MYO18A: variants seen among roughly 807,000 people sequenced by gnomAD.
MYO18A encodes unconventional myosin-XVIIIa.
MYO18A carries 78 observed loss-of-function variants against 235.8 expected under a neutral mutation model. That is an observed-to-expected ratio of 0.33 (90% CI 0.28 to 0.40). The LOEUF (loss-of-function observed/expected upper bound fraction) is 0.40, where lower values mean the gene tolerates loss of function less well. Among genes scored for constraint, MYO18A ranks in the 10% least tolerant of loss-of-function variants. MYO18A has a pLI of 1.00. For missense variants in MYO18A, 2,215 were observed against 2,699.3 expected (o/e 0.82, Z 3.98); for synonymous variants, 977 against 1,077.8 (o/e 0.91, Z 1.83).
chr17:29,109,961 C>T lies in MYO18A; in HGVS notation c.3228G>A (p.Ser1076=), dbSNP rs779130672. The change falls in exon 19 of 42, where the codon TCG becomes TCA. Residue 1076 remains serine, a synonymous_variant. Transcript: ENST00000527372. The surrounding 1 kb of genome is among the most constrained non-coding windows in gnomAD (Gnocchi z 4.1). The stretch of plus-strand genomic sequence containing the variant: ...GGAGCCCAGCCTCGCAGTGGTCTCC[C>T]GAGGGCAGGTCCAGCTCACTGCTGC... ...VSSSSELDLP[S]GDHCEAGLLQ... is the part of the protein sequence containing the mutation. 1.3e-5 allele frequency: 21 copies of T among 1,609,834 alleles called. No individual in the cohort carries two copies. Among genetic ancestry groups the T allele is most frequent in the Middle Eastern group, 1.7e-4 (1 of 5,920 alleles).
Position 29,106,419 on chromosome 17 carries a change from T to C in MYO18A, c.3441+661A>G, listed in dbSNP as rs571513707. Among the ~76,000 whole-genome samples the C allele has an allele frequency of 6.6e-6, 1 of 152,278 alleles. No individual in the cohort carries two copies. The highest frequency in any genetic ancestry group is 6.5e-5 in the Admixed American group (1 of 15,296). On this transcript the variant is annotated intron_variant, in intron 20 of 41. Transcript: ENST00000527372. The surrounding 1 kb of genome is among the most constrained non-coding windows in gnomAD (Gnocchi z 4.6). ...GCACTCTGTGGGCTTTCTGCCCCAT[T>C]CTGCAGCATCCTCTCCATTTAGGGA...
chr17:29,086,316 TG>T, intron 39 of MYO18A, 121 bp downstream of exon 39: 1 of 1,104,446 alleles, frequency 9.1e-7, no homozygotes, highest in Non-Finnish European at 1.3e-6. Flanking sequence ...AAAGGGAGGG[TG>T]GGTTGGCGGC....
intron 2 of MYO18A, among the ~76,000 whole-genome samples, chr17:29,134,339 T>C (rs1307800790): frequency 1.3e-5 from 2 of 152,112 alleles, no homozygotes; most frequent in African/African-American, 2.4e-5. Flanking sequence ...CGCCTTGGCG[T>C]CCTAAAGTGC....
chr17:29,175,066 T>C lies in MYO18A; in HGVS notation c.-82+5247A>G, dbSNP rs371687844. 1.5e-4 allele frequency among the ~76,000 whole-genome samples: 23 copies of C among 152,314 alleles called. No homozygotes were observed. In the East Asian group the frequency reaches 1.9e-3, roughly 13 times the overall value. On this transcript the variant is annotated intron_variant, in intron 1 of 41. Transcript: ENST00000527372. ...AAAATATATGCTCTGGGGAGGAGAC[T>C]GGAATTTTAGAAGGGTCAAATAGAC...
At chr17:29,134,114 T>G (rs561526259) in intron 2 of MYO18A, among the ~76,000 whole-genome samples, 1 of 152,368 alleles carries the variant, frequency 6.6e-6, no homozygotes, top group Admixed American at 6.5e-5. Flanking sequence ...TTTATTTTTA[T>G]TTTTTGAGAT....
intron 2 of MYO18A, among the ~76,000 whole-genome samples, chr17:29,161,467 C>T (rs1160363269): frequency 6.6e-6 from 1 of 151,464 alleles, no homozygotes; most frequent in South Asian, 2.1e-4. Flanking sequence ...CCAAGATCGC[C>T]CCACTGCACT....
chr17:29,127,931 G>T (rs1056043239), intron 2 of MYO18A: 16 of 999,658 alleles, frequency 1.6e-5, no homozygotes, highest in African/African-American at 1.6e-4. Context: ...GGAGCCTGGG[G>T]TCACCAGCTC....
intron 1 of MYO18A, among the ~76,000 whole-genome samples, chr17:29,175,459 C>T (rs907160823): frequency 2.0e-5 from 3 of 150,076 alleles, no homozygotes; most frequent in African/African-American, 7.4e-5. Context: ...CCTCCTGGGA[C>T]TCAAGCGATC....
chr17:29,124,728 G>A (rs778812826), intron 2 of MYO18A: 4 of 1,265,230 alleles, frequency 3.2e-6, no homozygotes, highest in South Asian at 2.6e-5. Context: ...GAAGAAGGGT[G>A]AAGATAAGCA....
chr17:29,113,649 G>A (rs533655094), intron 15 of MYO18A, among the ~76,000 whole-genome samples: 39 of 152,284 alleles, frequency 2.6e-4, no homozygotes, highest in East Asian at 1.4e-3. Context: ...TCACCAGCTG[G>A]GACTGGTCAC....
rs748776252 is a variant in MYO18A, at chr17:29,121,741, C to A, written c.1195-18G>T. ...GCATTAGCCTGTGTGGGAGGACAGGCGGGTGGGTATTAGAGCAGCAGAGCC... is the reference window on the plus strand; with the variant it reads ...GCATTAGCCTGTGTGGGAGGACAGGAGGGTGGGTATTAGAGCAGCAGAGCC... On this transcript the variant is annotated intron_variant, in intron 4 of 41. Transcript: ENST00000527372. The surrounding 1 kb of genome is among the most constrained non-coding windows in gnomAD (Gnocchi z 4.2). 19 of 1,573,006 alleles carry A rather than the reference C, an allele frequency of 1.2e-5. No individual in the cohort carries two copies. Among genetic ancestry groups the A allele is most frequent in the Non-Finnish European group, 1.4e-5 (16 of 1,157,478 alleles).
At chr17:29,115,504 C>G in intron 12 of MYO18A, 63 bp from the exon 13 acceptor site, 2 of 1,563,956 alleles carry the variant, frequency 1.3e-6, no homozygotes, top group Non-Finnish European at 1.7e-6. Flanking sequence ...GGGTAAGCCC[C>G]TGACCTGCCC....
chr17:29,096,831 G>A lies in MYO18A; in HGVS notation c.4315C>T (p.Leu1439=). 1 of 1,599,392 alleles carries A rather than the reference G, an allele frequency of 6.3e-7. No homozygotes were observed. The highest frequency in any genetic ancestry group is 1.7e-5 in the Admixed American group (1 of 58,054). The change falls in exon 28 of 42, where the codon CTG becomes TTG. Residue 1439 remains leucine, a synonymous_variant. Coordinates refer to ENST00000527372, the MANE Select transcript of MYO18A (RefSeq NM_078471.4). ...TCCAGGTGCAGCTTGGTGTCTTGCA[G>A]CTCAGCCGTCAGTCGCTGGCACTTC... The part of the protein sequence containing the change: ...KKKCQRLTAE[L]QDTKLHLEGQ...
In MYO18A at chr17:29,073,873, C is replaced by G. The variant is rs758127581; in HGVS notation, c.*897G>C. 3.8e-6 allele frequency: 6 copies of G among 1,594,704 alleles called. No homozygotes were observed. In the Admixed American group the frequency reaches 8.4e-5, roughly 22 times the overall value. On this transcript the variant is annotated 3_prime_UTR_variant, in exon 42 of 42. Coordinates refer to ENST00000527372, the MANE Select transcript of MYO18A (RefSeq NM_078471.4). Reference sequence around the variant, plus strand: ...GTCCTCAACCCCAAGCCTTCCCTCTCAAGTTGAGTTTATGGTCCAGACCAC... The same window carrying G: ...GTCCTCAACCCCAAGCCTTCCCTCTGAAGTTGAGTTTATGGTCCAGACCAC...
chr17:29,082,553 G>C, intron 40 of MYO18A, 115 bp from the exon 41 acceptor site: 1 of 1,041,282 alleles, frequency 9.6e-7, no homozygotes, highest in African/African-American at 1.6e-5. Flanking sequence ...CAGCATGCAC[G>C]TCGGTGAGTC....
At position 29,109,376 on chromosome 17, in the gene MYO18A, C is replaced by A. The variant is rs139612879; in HGVS notation, c.3331+482G>T. 2.4e-3 allele frequency among the ~76,000 whole-genome samples: 367 copies of A among 152,294 alleles called. 1 individual carries two copies. The highest frequency in any genetic ancestry group is 8.5e-3 in the African/African-American group (354 of 41,554). ...AGCTTCTAAGGACTCTAAGTAACCACTAATACTATCATCCTGTCTGTCGCC... is the reference window on the plus strand; with the variant it reads ...AGCTTCTAAGGACTCTAAGTAACCAATAATACTATCATCCTGTCTGTCGCC... On this transcript the variant is annotated intron_variant, in intron 19 of 41. Coordinates refer to ENST00000527372, the MANE Select transcript of MYO18A (RefSeq NM_078471.4). This position sits in a 1 kb window ranked among gnomAD's most constrained non-coding sequence, Gnocchi z 4.1.
chr17:29,143,016 C>T (rs983806081), intron 2 of MYO18A, among the ~76,000 whole-genome samples: 1 of 152,152 alleles, frequency 6.6e-6, no homozygotes, highest in Non-Finnish European at 1.5e-5. Flanking sequence ...CCATTTTGGC[C>T]AGGCTGGCCT....
chr17:29,120,516 G>T lies in MYO18A; in HGVS notation c.1728+100C>A. 1.4e-6 allele frequency: 2 copies of T among 1,442,572 alleles called. No individual in the cohort carries two copies. The highest frequency in any genetic ancestry group is 1.4e-5 in the South Asian group (1 of 71,992). 89.4% of individuals were successfully genotyped at this position (1,442,572 alleles called of 1,614,324 possible). On this transcript the variant is annotated intron_variant, in intron 7 of 41. Transcript: ENST00000527372. The surrounding 1 kb of genome is among the most constrained non-coding windows in gnomAD (Gnocchi z 4.2). The stretch of plus-strand genomic sequence containing the variant: ...TGCCTGGGTCAATTTTGTTAGGGTA[G>T]AATCCCAGGAAAATGAGGCATGGGA...
At chr17:29,115,911 G>C (rs2067048869) in intron 11 of MYO18A, 71 bp from the exon 12 acceptor site, 3 of 1,499,310 alleles carry the variant, frequency 2.0e-6, no homozygotes, top group South Asian at 1.2e-5. Context: ...CTGATGACCA[G>C]CTGATGACTA....
Sources: allele counts gnomAD v4.1 joint callset (sites outside exome capture counted in the v4.1 genomes callset), GRCh38; gene constraint gnomAD v4.1.1; non-coding constraint Gnocchi (gnomAD v3.1); transcripts MANE v1.5; gene names NCBI Gene and HGNC (gene_info 2026-07-23, HGNC 2026-07-21).